The following PNKD variants were observed in gnomAD, a reference collection of about 807,000 sequenced individuals.
PNKD encodes the protein PNKD metallo-beta-lactamase domain containing.
PNKD carries 36 observed loss-of-function variants against 45.3 expected under a neutral mutation model. That is an observed-to-expected ratio of 0.80 (90% CI 0.61 to 1.05). The LOEUF is 1.05. Ranked by LOEUF, PNKD falls within the 50% of genes least tolerant of loss-of-function variation. The probability of loss-of-function intolerance (pLI) is 0.00; values close to 1 mark genes in which losing one functional copy is unlikely to be tolerated. For missense variants in PNKD, 511 were observed against 506.6 expected, an observed-to-expected ratio of 1.01 and a Z score of -0.08; for synonymous variants, 197 against 210.1, an observed-to-expected ratio of 0.94 and a Z score of 0.54.
intron 2 of PNKD, chr2:218,286,929 T>C (rs1181632816): frequency 6.6e-6 from 1 of 152,226 alleles, no homozygotes; most frequent in Non-Finnish European, 1.5e-5. Context: ...AGCCCAGATC[T>C]GACGATTTGT....
chr2:218,279,897 A>G, intron 2 of PNKD: 1 of 727,234 alleles, frequency 1.4e-6, no homozygotes. Context: ...GAAGCAGACA[A>G]GGCTAGAGAA....
chr2:218,297,760 G>T (rs151087432), intron 2 of PNKD, among the ~76,000 whole-genome samples: 4,888 of 149,716 alleles, frequency 0.033, 260 homozygotes, highest in African/African-American at 0.11. Context: ...AGCACTTTGA[G>T]AGGCCGAGGC....
chr2:218,270,641 G>A (rs1325838095), intron 1 of PNKD, 39 bp downstream of exon 1: 2 of 612,302 alleles, frequency 3.3e-6, no homozygotes, highest in Non-Finnish European at 5.0e-6. Context: ...GACTGCAGAA[G>A]ATCCCTTTTC....
chr2:218,296,568 A>G (rs1693144916), intron 2 of PNKD, among the ~76,000 whole-genome samples: 1 of 152,188 alleles, frequency 6.6e-6, no homozygotes, highest in Non-Finnish European at 1.5e-5. Context: ...TGGTCCTCCA[A>G]ACCCTTCTCA....
chr2:218,309,932 T>TAA (rs1274963860), intron 2 of PNKD, among the ~76,000 whole-genome samples: 2 of 135,380 alleles, frequency 1.5e-5, no homozygotes, highest in African/African-American at 2.7e-5. Flanking sequence ...AGATTACGTC[T>TAA]AAAAAAAAAA....
chr2:218,305,763 A>C (rs1358574357), intron 2 of PNKD, among the ~76,000 whole-genome samples: 1 of 151,922 alleles, frequency 6.6e-6, no homozygotes, highest in Non-Finnish European at 1.5e-5. Flanking sequence ...GTGAGATGAC[A>C]TTTTTTCCAG....
At chr2:218,328,775 G>A (rs1162377807) in intron 2 of PNKD, among the ~76,000 whole-genome samples, 2 of 152,198 alleles carry the variant, frequency 1.3e-5, no homozygotes, top group Non-Finnish European at 2.9e-5. Flanking sequence ...AAGCCTGCCC[G>A]GCCTCCTCAG....
intron 2 of PNKD, among the ~76,000 whole-genome samples, chr2:218,324,511 G>A (rs891345536): frequency 1.3e-5 from 2 of 152,220 alleles, no homozygotes; most frequent in African/African-American, 4.8e-5. Context: ...GCTGGAGGGT[G>A]GGGTGGGGAT....
chr2:218,335,488 A>G (rs1694462809), intron 2 of PNKD, among the ~76,000 whole-genome samples: 1 of 152,084 alleles, frequency 6.6e-6, no homozygotes, highest in East Asian at 1.9e-4. Flanking sequence ...TCTGGAAAAA[A>G]AAAATGTTAA....
intron 2 of PNKD, chr2:218,323,573 G>A (rs1694058278): frequency 5.4e-6 from 3 of 551,130 alleles, no homozygotes; most frequent in Non-Finnish European, 8.1e-6. Context: ...CGAGGAGACG[G>A]ACTGGAGAAG....
chr2:218,275,278 T>C (rs529777981), intron 2 of PNKD: 2 of 578,920 alleles, frequency 3.5e-6, no homozygotes, highest in African/African-American at 1.9e-5. Context: ...CAACAGTTAG[T>C]CCCTAGCTCC....
At chr2:218,314,594 T>A (rs1269312113) in intron 2 of PNKD, among the ~76,000 whole-genome samples, 1 of 152,214 alleles carries the variant, frequency 6.6e-6, no homozygotes, top group Non-Finnish European at 1.5e-5. Flanking sequence ...TATTAGCCAT[T>A]TATTAATTTA....
At chr2:218,324,244 G>T (rs1301287211) in intron 2 of PNKD, among the ~76,000 whole-genome samples, 1 of 152,222 alleles carries the variant, frequency 6.6e-6, no homozygotes, top group Non-Finnish European at 1.5e-5. Flanking sequence ...CCTACTACCA[G>T]CCTGGCCATG....
chr2:218,284,480 G>T (rs918770701), intron 2 of PNKD, among the ~76,000 whole-genome samples: 2 of 152,234 alleles, frequency 1.3e-5, no homozygotes, highest in African/African-American at 2.4e-5. Flanking sequence ...CAGAGAGAAG[G>T]GTCAGCCTCG....
intron 2 of PNKD, among the ~76,000 whole-genome samples, chr2:218,284,809 G>T (rs946259550): frequency 8.5e-5 from 13 of 152,228 alleles, no homozygotes; most frequent in African/African-American, 3.1e-4. Flanking sequence ...ACACATAGAA[G>T]GCTGGGCACA....
At chr2:218,342,677 AAGACAGAGTGAGACTCTG>A (rs1245516339) in intron 7 of PNKD, among the ~76,000 whole-genome samples, 1 of 152,082 alleles carries the variant, frequency 6.6e-6, no homozygotes, top group Non-Finnish European at 1.5e-5. Context: ...TCCAACCTGG[AAGACAGAGTGAGACTCTG>A]TCACAAAACA....
intron 2 of PNKD, among the ~76,000 whole-genome samples, chr2:218,296,384 T>C (rs957222641): frequency 2.6e-5 from 4 of 151,924 alleles, no homozygotes; most frequent in Non-Finnish European, 5.9e-5. Context: ...TTATTTTAGG[T>C]ATTTTAGGAC....
intron 2 of PNKD, among the ~76,000 whole-genome samples, chr2:218,295,986 C>T (rs1693132293): frequency 6.6e-6 from 1 of 151,850 alleles, no homozygotes; most frequent in Non-Finnish European, 1.5e-5. Context: ...GCTGGGACTA[C>T]AGACATGAGC....
intron 2 of PNKD, among the ~76,000 whole-genome samples, chr2:218,313,566 C>G (rs1003012307): frequency 6.6e-5 from 10 of 152,150 alleles, no homozygotes; most frequent in African/African-American, 2.4e-4. Context: ...TTCCACAGAA[C>G]CTAACTTTTG....
Sources: allele counts gnomAD v4.1 joint callset (sites outside exome capture counted in the v4.1 genomes callset), GRCh38; gene constraint gnomAD v4.1.1; transcripts MANE v1.5; gene names NCBI Gene and HGNC (gene_info 2026-07-23, HGNC 2026-07-21).